The following DNPEP variants were observed in gnomAD, a reference collection of about 807,000 sequenced individuals.
DNPEP encodes the protein aspartyl aminopeptidase.
Under a neutral mutation model 59.1 loss-of-function variants are expected in DNPEP, and 46 were observed. That is an observed-to-expected ratio of 0.78 (90% CI 0.61 to 0.99). The LOEUF is 0.99. DNPEP is among the 50% of genes least tolerant of loss of function. The pLI, the probability that DNPEP is intolerant of heterozygous loss-of-function variation, is 0.00. For missense variants in DNPEP, 617 were observed against 649.9 expected (o/e 0.95, Z 0.55); for synonymous variants, 229 against 242.2 (o/e 0.95, Z 0.50).
In DNPEP at chr2:219,376,794, G is replaced by A. The variant is rs1431301607; in HGVS notation, c.1240-1772C>T. On this transcript the variant is annotated intron_variant, in intron 13 of 14. Coordinates refer to ENST00000273075, the MANE Select transcript of DNPEP (RefSeq NM_012100.4). The stretch of plus-strand genomic sequence containing the variant: ...AAGTGTTAAAACCATTAGGTATCTG[G>A]TTAATAGGGAACTCATCACTTGTAT... Among the ~76,000 whole-genome samples, 3 of 152,134 alleles carry A rather than the reference G, an allele frequency of 2.0e-5. No homozygotes were observed. The East Asian group carries it at 5.8e-4, about 29-fold the overall frequency.
chr2:219,394,582 C>G (rs1954066749), intron 1 of DNPEP, among the ~76,000 whole-genome samples: 1 of 152,076 alleles, frequency 6.6e-6, no homozygotes, highest in African/African-American at 2.4e-5. Flanking sequence ...GGCCTCATCT[C>G]CCATCTTTAA....
chr2:219,395,024 C>T (rs942978189), intron 1 of DNPEP, among the ~76,000 whole-genome samples: 14 of 151,960 alleles, frequency 9.2e-5, no homozygotes, highest in African/African-American at 2.7e-4. Flanking sequence ...GGTGCGATCT[C>T]GGTTCACTGC....
Position 219,372,448 on chromosome 2 carries a change from C to T in DNPEP, c.*1844G>A, listed in dbSNP as rs1011239087. On this transcript the variant is annotated 3_prime_UTR_variant, in exon 15 of 15. Transcript: ENST00000273075. ...TGGCTCAATCTTGGCTCACTGCAGC[C>T]TCTGCCTCCCTGGCTCAAGCTATTC... is the stretch of plus-strand genomic sequence containing the variant. Among the ~76,000 whole-genome samples the T allele has an allele frequency of 6.6e-6, 1 of 152,130 alleles. No individual in the cohort carries two copies. The highest frequency in any genetic ancestry group is 2.1e-4 in the South Asian group (1 of 4,824).
Position 219,387,808 on chromosome 2 carries a change from T to A in DNPEP, c.-14A>T. ...GTGTCCGCTCATCTGGCCTCCGGGC[T>A]CGGCCCGCCCCCACCGCGCCGCCTG... is the stretch of plus-strand genomic sequence containing the variant. On this transcript the variant is annotated 5_prime_UTR_variant, in exon 1 of 15. Coordinates refer to ENST00000273075, the MANE Select transcript of DNPEP (RefSeq NM_012100.4). 1 of 1,579,532 alleles carries A rather than the reference T, an allele frequency of 6.3e-7. No homozygotes were observed. The highest frequency in any genetic ancestry group is 8.6e-7 in the Non-Finnish European group (1 of 1,165,202).
chr2:219,376,553 G>T (rs941773746), intron 13 of DNPEP, among the ~76,000 whole-genome samples: 27 of 151,712 alleles, frequency 1.8e-4, no homozygotes, highest in Non-Finnish European at 3.7e-4. Flanking sequence ...TATTTGAGAC[G>T]ACATTTCACC....
rs1016222858 is a variant in DNPEP at position 219,373,307 on chromosome 2, A to G, written c.*985T>C. 6.6e-6 allele frequency among the ~76,000 whole-genome samples: 1 copy of G among 151,770 alleles called. No homozygotes were observed. The highest frequency in any genetic ancestry group is 1.5e-5 in the Non-Finnish European group (1 of 67,978). On this transcript the variant is annotated 3_prime_UTR_variant, in exon 15 of 15. Transcript: ENST00000273075. The stretch of plus-strand genomic sequence containing the variant: ...GGTCTTGAACTCCCGACCTCAGGTG[A>G]TCCGCCCACCTCAGCCTCCTAAAGT...
At position 219,387,893 on chromosome 2, in the gene DNPEP, G is replaced by C. The variant is rs887745344; in HGVS notation, c.-99C>G. The C allele has an allele frequency of 4.2e-5, 59 of 1,388,822 alleles. No homozygotes were observed. Among genetic ancestry groups the C allele is most frequent in the Non-Finnish European group, 5.0e-5 (54 of 1,076,876 alleles). 86.0% of individuals were successfully genotyped at this position (1,388,822 alleles called of 1,614,324 possible). A position where few individuals can be genotyped will look rare whatever the true frequency, so the allele number is the denominator to read the frequency against. On this transcript the variant is annotated 5_prime_UTR_variant, in exon 1 of 15. The change creates a premature stop within an existing upstream ORF in the 5' untranslated region. Transcript: ENST00000273075. Reference sequence around the variant, plus strand: ...TGCCCCTTCAGGCCGCGCCGCACTCGTAGGCCTTCATCACGCTTCCCCGGC... The same window carrying C: ...TGCCCCTTCAGGCCGCGCCGCACTCCTAGGCCTTCATCACGCTTCCCCGGC...
chr2:219,395,248 G>A (rs905480754), intron 1 of DNPEP, among the ~76,000 whole-genome samples: 1 of 152,048 alleles, frequency 6.6e-6, no homozygotes, highest in African/African-American at 2.4e-5. Flanking sequence ...GGGCCCGGCC[G>A]ACGTGGGGTC....
rs1354355904 is a variant in DNPEP at position 219,387,887 on chromosome 2, G to A, written c.-93C>T. 2 of 1,374,916 alleles carry A rather than the reference G, an allele frequency of 1.5e-6. No individual in the cohort carries two copies. Among genetic ancestry groups the A allele is most frequent in the African/African-American group, 3.4e-5 (2 of 58,616 alleles). 85.2% of individuals were successfully genotyped at this position (1,374,916 alleles called of 1,614,324 possible). A position where few individuals can be genotyped will look rare whatever the true frequency, so the allele number is the denominator to read the frequency against. ...CCCGCGTGCCCCTTCAGGCCGCGCCGCACTCGTAGGCCTTCATCACGCTTC... is the reference window on the plus strand; with the variant it reads ...CCCGCGTGCCCCTTCAGGCCGCGCCACACTCGTAGGCCTTCATCACGCTTC... On this transcript the variant is annotated 5_prime_UTR_variant, in exon 1 of 15. Coordinates refer to ENST00000273075, the MANE Select transcript of DNPEP (RefSeq NM_012100.4).
intron 1 of DNPEP, among the ~76,000 whole-genome samples, chr2:219,394,018 G>A (rs1954058227): frequency 6.6e-6 from 1 of 151,996 alleles, no homozygotes; most frequent in Non-Finnish European, 1.5e-5. Context: ...ATATACATGT[G>A]CTATAATTTC....
At position 219,374,978 on chromosome 2, in the gene DNPEP, T is replaced by C. The variant is rs1234534230; in HGVS notation, c.1284A>G (p.Gly428=). The C allele has an allele frequency of 6.2e-7, 1 of 1,613,814 alleles. No individual in the cohort carries two copies. The highest frequency in any genetic ancestry group is 8.5e-7 in the Non-Finnish European group (1 of 1,179,960). Residue 428 remains glycine, a synonymous_variant, in exon 14 of 15, where the codon GGA becomes GGG. Transcript: ENST00000273075. ...GCCCCAGCCGAGAAGCCAAGATAGGTCCAATGGTGGTTCCACAGGGGGTGT... is the reference window on the plus strand; with the variant it reads ...GCCCCAGCCGAGAAGCCAAGATAGGCCCAATGGTGGTTCCACAGGGGGTGT... ...RNDTPCGTTI[G]PILASRLGLR...
rs1415052109 is a variant in DNPEP at position 219,387,572 on chromosome 2, C to G, written c.36+187G>C. On this transcript the variant is annotated intron_variant, in intron 1 of 14. Coordinates refer to ENST00000273075, the MANE Select transcript of DNPEP (RefSeq NM_012100.4). Reference sequence around the variant, plus strand: ...GAGCACCCTGACTCCTCTCTCGCACCCACCTAGTCTCTCGCAGGACTCCCC... The same window carrying G: ...GAGCACCCTGACTCCTCTCTCGCACGCACCTAGTCTCTCGCAGGACTCCCC... 6 of 1,496,234 alleles carry G rather than the reference C, an allele frequency of 4.0e-6. No homozygotes were observed. In the Admixed American group the frequency reaches 1.3e-4, roughly 33 times the overall value. The allele number at this position is 1,496,234 out of a possible 1,614,324, so 92.7% of individuals were successfully genotyped here. A position where few individuals can be genotyped will look rare whatever the true frequency, so the allele number is the denominator to read the frequency against.
upstream of DNPEP, among the ~76,000 whole-genome samples, chr2:219,391,992 AC>A (rs1954024034): frequency 6.6e-6 from 1 of 152,184 alleles, no homozygotes; most frequent in South Asian, 2.1e-4. Context: ...GATAAAACTC[AC>A]ACAATGAGCT....
intron 1 of DNPEP, chr2:219,387,518 A>C: frequency 6.9e-7 from 1 of 1,440,636 alleles, no homozygotes; most frequent in East Asian, 2.6e-5. Flanking sequence ...GCGCGTACCC[A>C]GCCCGGAGCC....
At chr2:219,388,790 G>A (rs1953960648), upstream of DNPEP, 1 of 985,378 alleles carries the variant, frequency 1.0e-6, no homozygotes, top group Non-Finnish European at 1.2e-6. Context: ...TCCATGGGGC[G>A]CTCACGGTGA....
At chr2:219,380,861 A>ACACACACACACACACACACT (rs1171039255) in intron 13 of DNPEP, among the ~76,000 whole-genome samples, 1 of 151,874 alleles carries the variant, frequency 6.6e-6, no homozygotes, top group South Asian at 2.1e-4. Context: ...ACACACACAC[A>ACACACACACACACACACACT]CTGAGGAGAA....
chr2:219,381,727 G>C, intron 11 of DNPEP, 143 bp from the exon 12 acceptor site: 1 of 1,046,504 alleles, frequency 9.6e-7, no homozygotes, highest in Non-Finnish European at 1.5e-6. Context: ...TCCACACACA[G>C]GGTTCCGGGC....
intron 13 of DNPEP, among the ~76,000 whole-genome samples, chr2:219,375,887 C>T (rs187454727): frequency 6.6e-6 from 1 of 152,142 alleles, no homozygotes; most frequent in South Asian, 2.1e-4. Flanking sequence ...TTTTTTCTTG[C>T]TATGTCCATG....
intron 13 of DNPEP, among the ~76,000 whole-genome samples, chr2:219,380,984 G>C (rs151013684): frequency 1.1e-4 from 17 of 152,256 alleles, no homozygotes; most frequent in African/African-American, 3.8e-4. Context: ...GGAGACACAG[G>C]GGAAGTGGGG....
Sources: gnomAD v4.1 joint callset for allele counts (sites outside exome capture counted in the v4.1 genomes callset) on GRCh38, gnomAD v4.1.1 for gene constraint, MANE v1.5 for transcripts, NCBI Gene and HGNC (gene_info 2026-07-23, HGNC 2026-07-21) for gene names.